The following TLK2 variants were observed in gnomAD, a reference collection of about 807,000 sequenced individuals.
TLK2 encodes the protein tousled like kinase 2, also known as serine/threonine-protein kinase tousled-like 2.
TLK2 carries 6 observed loss-of-function variants against 117.3 expected under a neutral mutation model. The ratio of observed to expected loss-of-function variants is 0.05; its 90% CI spans 0.03 to 0.10. The LOEUF is 0.10. Ranked by LOEUF, TLK2 falls within the 10% of genes least tolerant of loss-of-function variation. TLK2 has a pLI of 1.00. For synonymous variants in TLK2, 257 were observed against 316.7 expected (o/e 0.81, Z 2.00); for missense variants, 299 against 901.2 (o/e 0.33, Z 8.56).
Position 62,533,434 on chromosome 17 carries a change from C to A in TLK2, c.364-2736C>A, listed in dbSNP as rs1047968085. 1.8e-3 allele frequency among the ~76,000 whole-genome samples: 230 copies of A among 125,918 alleles called. 5 individuals are homozygous for A. The highest frequency in any genetic ancestry group is 8.4e-4 in the Non-Finnish European group (50 of 59,632). 82.6% of individuals were successfully genotyped at this position (125,918 alleles called of 152,430 possible). ...ATTTTTTTTTTTTTTGAGACAGGGT[C>A]TTGCTGTGTAGCCCAGTGTGTGTGT... On this transcript the variant is annotated intron_variant, in intron 6 of 21. Transcript: ENST00000346027.
At chr17:62,592,731 G>A (rs1350996831) in intron 16 of TLK2, among the ~76,000 whole-genome samples, 1 of 152,160 alleles carries the variant, frequency 6.6e-6, no homozygotes, top group Non-Finnish European at 1.5e-5. Context: ...TACATTTGTT[G>A]TGTACTTTAT....
rs140605280 is a variant in TLK2 at position 62,553,405 on chromosome 17, A to G, written c.628-258A>G. 322 of 419,974 alleles carry G rather than the reference A, an allele frequency of 7.7e-4. 1 individual carries two copies. The highest frequency in any genetic ancestry group is 6.1e-3 in the African/African-American group (300 of 49,390). The allele number at this position is 419,974 out of a possible 1,614,324, so 26.0% of individuals were successfully genotyped here. A position where few individuals can be genotyped will look rare whatever the true frequency, so the allele number is the denominator to read the frequency against. On this transcript the variant is annotated intron_variant, in intron 8 of 21. Coordinates refer to ENST00000346027, the MANE Select transcript of TLK2 (RefSeq NM_006852.6). ...CGTGTTTCTACATTGTTCAGTGCACAGTAGTGAGAATTCATACATTTGATT... is the reference window on the plus strand; with the variant it reads ...CGTGTTTCTACATTGTTCAGTGCACGGTAGTGAGAATTCATACATTTGATT...
intron 2 of TLK2, among the ~76,000 whole-genome samples, chr17:62,515,030 A>G (rs2075462682): frequency 6.6e-6 from 1 of 152,162 alleles, no homozygotes; most frequent in South Asian, 2.1e-4. Flanking sequence ...CCTCATCTCT[A>G]CCTTCCTCCC....
intron 9 of TLK2, among the ~76,000 whole-genome samples, chr17:62,559,231 T>C (rs189913841): frequency 4.7e-4 from 72 of 152,320 alleles, no homozygotes; most frequent in Admixed American, 4.5e-3. Flanking sequence ...CGTGCCTGGC[T>C]TCTCTGGTGA....
chr17:62,514,766 A>G (rs2075435412), intron 2 of TLK2, among the ~76,000 whole-genome samples: 1 of 151,534 alleles, frequency 6.6e-6, no homozygotes, highest in Non-Finnish European at 1.5e-5. Context: ...TTTAGTAGAG[A>G]TGGGGTTTCG....
At chr17:62,592,646 G>A (rs1409059184) in intron 16 of TLK2, among the ~76,000 whole-genome samples, 1 of 152,152 alleles carries the variant, frequency 6.6e-6, no homozygotes, top group East Asian at 1.9e-4. Context: ...TGGCACCAGC[G>A]ACCGGTTTTG....
intron 20 of TLK2, among the ~76,000 whole-genome samples, chr17:62,606,807 T>G (rs2147263484): frequency 6.6e-6 from 1 of 152,366 alleles, no homozygotes; most frequent in South Asian, 2.1e-4. Context: ...ACATGCCTTA[T>G]AAATGTATAT....
intron 15 of TLK2, among the ~76,000 whole-genome samples, chr17:62,580,927 T>G (rs889593137): frequency 2.0e-5 from 3 of 152,246 alleles, no homozygotes; most frequent in Admixed American, 1.3e-4. Context: ...ATAAATCTTT[T>G]CAGTAAAATA....
At chr17:62,562,534 C>T (rs939529394) in intron 10 of TLK2, among the ~76,000 whole-genome samples, 3 of 151,872 alleles carry the variant, frequency 2.0e-5, no homozygotes, top group African/African-American at 4.8e-5. Flanking sequence ...TATAAAAATA[C>T]GCAAATGGCA....
At chr17:62,558,399 T>C (rs1004850399) in intron 9 of TLK2, among the ~76,000 whole-genome samples, 103 of 152,298 alleles carry the variant, frequency 6.8e-4, no homozygotes, top group East Asian at 2.3e-3. Flanking sequence ...CTGGGCTTAA[T>C]TGATGCTCCT....
chr17:62,519,334 A>C (rs1386889385), intron 2 of TLK2, among the ~76,000 whole-genome samples: 1 of 152,224 alleles, frequency 6.6e-6, no homozygotes, highest in Non-Finnish European at 1.5e-5. Context: ...TCATTTGACC[A>C]CAATTATGGA....
chr17:62,570,036 A>G (rs984725098), intron 11 of TLK2, among the ~76,000 whole-genome samples: 18 of 152,030 alleles, frequency 1.2e-4, no homozygotes, highest in Non-Finnish European at 8.8e-5. Context: ...TCCTCTTCAC[A>G]TGGTGCTCTC....
intron 12 of TLK2, among the ~76,000 whole-genome samples, chr17:62,575,067 G>T (rs1010707594): frequency 1.3e-5 from 2 of 152,146 alleles, no homozygotes; most frequent in South Asian, 4.1e-4. Flanking sequence ...ATTATTTAAT[G>T]CTAATGCACA....
intron 2 of TLK2, among the ~76,000 whole-genome samples, chr17:62,505,003 C>T (rs1260521525): frequency 6.6e-6 from 1 of 152,032 alleles, no homozygotes; most frequent in East Asian, 1.9e-4. Flanking sequence ...GCCACCATGC[C>T]TGGCTAATTT....
At chr17:62,471,861 G>A (rs1224426135) in intron 1 of TLK2, among the ~76,000 whole-genome samples, 2 of 144,680 alleles carry the variant, frequency 1.4e-5, no homozygotes, top group African/African-American at 2.5e-5. Context: ...TGGAAAGAGC[G>A]AGGCATGGAA....
chr17:62,595,209 G>A (rs1243765228), intron 16 of TLK2, among the ~76,000 whole-genome samples: 4 of 151,366 alleles, frequency 2.6e-5, no homozygotes, highest in Non-Finnish European at 5.9e-5. Context: ...GTGATCCAGC[G>A]ACCTCAGGTG....
intron 2 of TLK2, among the ~76,000 whole-genome samples, chr17:62,488,854 GTCAC>G (rs2072779287): frequency 8.0e-6 from 1 of 124,676 alleles, no homozygotes; most frequent in Non-Finnish European, 1.6e-5. Flanking sequence ...GAGATGGGGT[GTCAC>G]TCTGTCACCC....
chr17:62,477,049 C>G (rs976984334), upstream of TLK2, among the ~76,000 whole-genome samples: 2 of 152,048 alleles, frequency 1.3e-5, no homozygotes, highest in African/African-American at 4.8e-5. Context: ...CAAGATCGCA[C>G]CACTGCACTC....
intron 10 of TLK2, among the ~76,000 whole-genome samples, chr17:62,560,788 G>A (rs1372096238): frequency 1.3e-5 from 2 of 151,298 alleles, no homozygotes; most frequent in African/African-American, 2.4e-5. Flanking sequence ...TGAGTAGCTG[G>A]GTTTATAGGC....
Sources: gnomAD v4.1 joint callset for allele counts (sites outside exome capture counted in the v4.1 genomes callset) on GRCh38, gnomAD v4.1.1 for gene constraint, MANE v1.5 for transcripts, NCBI Gene and HGNC (gene_info 2026-07-23, HGNC 2026-07-21) for gene names.